CNTNAP2: variants seen among roughly 807,000 people sequenced by gnomAD.
The protein encoded by CNTNAP2 is contactin associated protein 2, also known as contactin-associated protein-like 2.
A neutral mutation model predicts 155.2 loss-of-function variants in CNTNAP2; 98 were observed. The observed-to-expected ratio is 0.63, with a 90% CI of 0.54 to 0.75. CNTNAP2 has a LOEUF of 0.75. Among genes scored for constraint, CNTNAP2 ranks in the 30% least tolerant of loss-of-function variants. The probability of loss-of-function intolerance (pLI) is 0.00; values close to 1 mark genes in which losing one functional copy is unlikely to be tolerated. For missense variants in CNTNAP2, 1,727 were observed against 1,688.1 expected (o/e 1.02, Z -0.40); for synonymous variants, 651 against 631.2 (o/e 1.03, Z -0.47).
intron 3 of CNTNAP2, among the ~76,000 whole-genome samples, chr7:146,939,458 A>T (rs940171175): frequency 1.3e-5 from 2 of 152,160 alleles, no homozygotes; most frequent in East Asian, 3.8e-4. Flanking sequence ...GGGTTTTTTT[A>T]TTTTTACTTC....
chr7:146,728,703 C>T (rs1464675383), intron 1 of CNTNAP2, among the ~76,000 whole-genome samples: 2 of 151,584 alleles, frequency 1.3e-5, no homozygotes, highest in East Asian at 3.9e-4. Context: ...ACAGTCTGTT[C>T]TTCGAGTTGA....
intron 15 of CNTNAP2, among the ~76,000 whole-genome samples, chr7:148,027,365 C>T (rs1802394084): frequency 6.6e-6 from 1 of 152,110 alleles, no homozygotes; most frequent in Admixed American, 6.5e-5. Context: ...TGAATTTTTT[C>T]TTAATTTTCT....
At chr7:147,811,551 C>G in intron 13 of CNTNAP2, among the ~76,000 whole-genome samples, 1 of 152,036 alleles carries the variant, frequency 6.6e-6, no homozygotes, top group East Asian at 1.9e-4. Context: ...GCCCAGTGTC[C>G]CCTAGGGAGG....
At chr7:146,155,791 C>G (rs1371063388) in intron 1 of CNTNAP2, among the ~76,000 whole-genome samples, 1 of 151,736 alleles carries the variant, frequency 6.6e-6, no homozygotes, top group East Asian at 1.9e-4. Context: ...CCTCCTCCTC[C>G]CAGGTTCAAG....
chr7:148,228,192 T>C (rs1795890990), intron 19 of CNTNAP2, among the ~76,000 whole-genome samples: 1 of 152,158 alleles, frequency 6.6e-6, no homozygotes, highest in Admixed American at 6.5e-5. Context: ...CTCTGAGATA[T>C]CAACATGAAA....
chr7:146,640,042 G>T (rs538090652), intron 1 of CNTNAP2, among the ~76,000 whole-genome samples: 2 of 152,166 alleles, frequency 1.3e-5, no homozygotes, highest in African/African-American at 4.8e-5. Context: ...TAAGTTCCAC[G>T]GCAGGGTGCC....
At chr7:148,263,440 A>G (rs73476256) in intron 20 of CNTNAP2, among the ~76,000 whole-genome samples, 14,014 of 152,010 alleles carry the variant, frequency 0.092, 1,111 homozygotes, top group African/African-American at 0.21. Context: ...GTGTTTCAAA[A>G]CAAAATATAT....
intron 1 of CNTNAP2, among the ~76,000 whole-genome samples, chr7:146,139,295 G>T (rs953399510): frequency 6.6e-6 from 1 of 152,080 alleles, no homozygotes; most frequent in Non-Finnish European, 1.5e-5. Flanking sequence ...ATCATAAGTT[G>T]AACCCTTGTA....
At chr7:146,304,219 A>G (rs1308950938) in intron 1 of CNTNAP2, among the ~76,000 whole-genome samples, 5 of 149,192 alleles carry the variant, frequency 3.4e-5, no homozygotes, top group Admixed American at 2.7e-4. Context: ...TTGACTCTTT[A>G]TCCAGTTTTC....
At chr7:147,919,310 C>A (rs1800216533) in intron 14 of CNTNAP2, among the ~76,000 whole-genome samples, 1 of 151,648 alleles carries the variant, frequency 6.6e-6, no homozygotes, top group Non-Finnish European at 1.5e-5. Context: ...TGAGACAGGT[C>A]TCACTGTGTC....
At position 148,061,924 on chromosome 7, in the gene CNTNAP2, G is replaced by GATAGATAAACAGAT; in HGVS notation, c.2384-56187_2384-56186insAACAGATATAGATA. Among the ~76,000 whole-genome samples, 2 of 63,276 alleles carry GATAGATAAACAGAT rather than the reference G, an allele frequency of 3.2e-5. 1 individual carries two copies. The highest frequency in any genetic ancestry group is 1.7e-4 in the African/African-American group (2 of 11,774). 41.5% of individuals were successfully genotyped at this position (63,276 alleles called of 152,430 possible). On this transcript the variant is annotated intron_variant, in intron 15 of 23. Transcript: ENST00000361727. ...ATAGATAGATAGATAAACAGATATA[G>GATAGATAAACAGAT]ATAGATAGATAGATAGATAGATAAA...
intron 4 of CNTNAP2, among the ~76,000 whole-genome samples, chr7:147,094,010 G>A (rs6980206): frequency 0.023 from 3,478 of 152,248 alleles, 134 homozygotes; most frequent in African/African-American, 0.079. Flanking sequence ...TGGTGGCTCT[G>A]TGCCTGGGTC....
chr7:147,816,070 G>A (rs559629195), intron 13 of CNTNAP2, among the ~76,000 whole-genome samples: 67 of 152,312 alleles, frequency 4.4e-4, no homozygotes, highest in African/African-American at 1.6e-3. Context: ...AAAATGCAAC[G>A]ATCTGTTTCA....
chr7:147,417,758 T>A (rs1393597968), intron 10 of CNTNAP2, among the ~76,000 whole-genome samples: 1 of 152,218 alleles, frequency 6.6e-6, no homozygotes, highest in African/African-American at 2.4e-5. Context: ...TTATAAGATA[T>A]GCTGCATACT....
intron 14 of CNTNAP2, among the ~76,000 whole-genome samples, chr7:147,930,163 A>G (rs1264955550): frequency 9.9e-5 from 15 of 152,192 alleles, no homozygotes; most frequent in Non-Finnish European, 2.9e-5. Flanking sequence ...GAGAAATGGG[A>G]CAAAATAAAT....
chr7:147,410,023 T>C (rs1797076827), intron 10 of CNTNAP2, among the ~76,000 whole-genome samples: 1 of 152,182 alleles, frequency 6.6e-6, no homozygotes, highest in Admixed American at 6.5e-5. Flanking sequence ...AAGACAGAAA[T>C]ACCGTTTGAT....
Position 147,118,239 on chromosome 7 carries a change from C to T in CNTNAP2, c.755-2740C>T, listed in dbSNP as rs562252532. On this transcript the variant is annotated intron_variant, in intron 5 of 23. Transcript: ENST00000361727. ...TCAGAAAATACTTTCAGGAAAATAG[C>T]TAGACAGTATGTCTTCGGACACTTG... Among the ~76,000 whole-genome samples, 4 of 152,212 alleles carry T rather than the reference C, an allele frequency of 2.6e-5. 1 individual carries two copies. Among genetic ancestry groups the T allele is most frequent in the African/African-American group, 7.2e-5 (3 of 41,556 alleles).
At chr7:147,011,733 T>C (rs1798629906) in intron 3 of CNTNAP2, among the ~76,000 whole-genome samples, 1 of 152,128 alleles carries the variant, frequency 6.6e-6, no homozygotes, top group Non-Finnish European at 1.5e-5. Context: ...AAGCCAGCCA[T>C]ACAAGCTAAA....
At chr7:147,273,952 A>C (rs1804827796) in intron 8 of CNTNAP2, among the ~76,000 whole-genome samples, 1 of 148,004 alleles carries the variant, frequency 6.8e-6, no homozygotes, top group Non-Finnish European at 1.5e-5. Context: ...ATTTTATGTA[A>C]TATATTACAT....
Sources: gnomAD v4.1 joint callset for allele counts (sites outside exome capture counted in the v4.1 genomes callset) on GRCh38, gnomAD v4.1.1 for gene constraint, MANE v1.5 for transcripts, NCBI Gene and HGNC (gene_info 2026-07-23, HGNC 2026-07-21) for gene names.